The following RPS6KC1 variants were observed in gnomAD, a reference collection of about 807,000 sequenced individuals.
The protein encoded by RPS6KC1 is ribosomal protein S6 kinase C1.
RPS6KC1 carries 54 observed loss-of-function variants against 103.8 expected under a neutral mutation model. The ratio of observed to expected loss-of-function variants is 0.52; its 90% CI spans 0.42 to 0.65. RPS6KC1 has a LOEUF of 0.65. RPS6KC1 is among the 30% of genes least tolerant of loss of function. RPS6KC1 has a pLI of 0.00. For missense variants in RPS6KC1, 1,151 were observed against 1,253.8 expected (o/e 0.92, Z 1.24); for synonymous variants, 439 against 438.7 (o/e 1.00, Z -0.01).
At chr1:213,759,825 G>T in the RPS6KC1 span, among the ~76,000 whole-genome samples, 7 of 152,178 alleles carry the variant, frequency 4.6e-5, no homozygotes, top group African/African-American at 1.7e-4. Flanking sequence ...AGTGATCAAG[G>T]CTCCATCTTC....
chr1:213,696,684 A>G, the RPS6KC1 span, among the ~76,000 whole-genome samples: 1 of 152,142 alleles, frequency 6.6e-6, no homozygotes, highest in Non-Finnish European at 1.5e-5. Flanking sequence ...TCTGATCATC[A>G]TCAATGGCTA....
intron 8 of RPS6KC1, among the ~76,000 whole-genome samples, chr1:213,221,785 T>G (rs928415146): frequency 6.6e-6 from 1 of 152,206 alleles, no homozygotes; most frequent in Non-Finnish European, 1.5e-5. Context: ...GATAACTACA[T>G]AAATTGAAAT....
chr1:213,171,505 A>C (rs1384733148), intron 7 of RPS6KC1, among the ~76,000 whole-genome samples: 2 of 152,224 alleles, frequency 1.3e-5, no homozygotes, highest in African/African-American at 2.4e-5. Flanking sequence ...AAAAGACAAT[A>C]AATGATCTAA....
At chr1:213,448,724 G>A in the RPS6KC1 span, among the ~76,000 whole-genome samples, 1 of 143,828 alleles carries the variant, frequency 7.0e-6, no homozygotes, top group Non-Finnish European at 1.5e-5. Flanking sequence ...CAGAGAATAA[G>A]ACTTTTCAAT....
At chr1:213,459,189 C>G in the RPS6KC1 span, among the ~76,000 whole-genome samples, 1 of 152,088 alleles carries the variant, frequency 6.6e-6, no homozygotes, top group Non-Finnish European at 1.5e-5. Context: ...GGTACCAGCT[C>G]CTGTTTGTAC....
chr1:213,505,457 C>G, the RPS6KC1 span, among the ~76,000 whole-genome samples: 1 of 152,192 alleles, frequency 6.6e-6, no homozygotes, highest in African/African-American at 2.4e-5. Context: ...TGACCTTGGG[C>G]AAGCTGCTTA....
chr1:213,468,904 T>A, the RPS6KC1 span, among the ~76,000 whole-genome samples: 1 of 152,176 alleles, frequency 6.6e-6, no homozygotes, highest in African/African-American at 2.4e-5. Flanking sequence ...GGCCTTCATA[T>A]GCTTGACTCC....
At chr1:213,398,553 A>G in the RPS6KC1 span, among the ~76,000 whole-genome samples, 4 of 151,828 alleles carry the variant, frequency 2.6e-5, no homozygotes, top group African/African-American at 9.7e-5. Flanking sequence ...CTAGGTTGTG[A>G]CCCCAGATGC....
chr1:213,260,018 C>T (rs541594810), intron 12 of RPS6KC1, among the ~76,000 whole-genome samples: 4 of 152,242 alleles, frequency 2.6e-5, no homozygotes, highest in South Asian at 2.1e-4. Flanking sequence ...GGATTATAGG[C>T]GTGAGCCACC....
the RPS6KC1 span, among the ~76,000 whole-genome samples, chr1:213,656,394 T>C: frequency 3.3e-5 from 5 of 152,226 alleles, 1 homozygote; most frequent in South Asian, 1.0e-3. Context: ...TAAAACAGGA[T>C]GAAAAGAACA....
At chr1:213,407,215 C>T in the RPS6KC1 span, among the ~76,000 whole-genome samples, 12,347 of 38,806 alleles carry the variant, frequency 0.32, 636 homozygotes, top group Middle Eastern at 0.49. Flanking sequence ...TACATGCACG[C>T]GCGCACACAC....
chr1:213,724,249 G>A, the RPS6KC1 span, among the ~76,000 whole-genome samples: 4 of 152,114 alleles, frequency 2.6e-5, no homozygotes, highest in South Asian at 2.1e-4. Context: ...CACTGCACCC[G>A]GCAAATTTTC....
At chr1:213,835,433 G>A in the RPS6KC1 span, among the ~76,000 whole-genome samples, 1 of 152,200 alleles carries the variant, frequency 6.6e-6, no homozygotes, top group East Asian at 1.9e-4. Flanking sequence ...CTCCCCTAAT[G>A]GCTACGCTGG....
At chr1:213,161,746 G>T (rs191871271) in intron 6 of RPS6KC1, among the ~76,000 whole-genome samples, 8 of 152,250 alleles carry the variant, frequency 5.3e-5, no homozygotes, top group Admixed American at 2.6e-4. Context: ...AATTTTTATG[G>T]TAGAGATGCA....
the RPS6KC1 span, among the ~76,000 whole-genome samples, chr1:213,316,298 C>T: frequency 6.6e-6 from 1 of 152,188 alleles, no homozygotes; most frequent in Non-Finnish European, 1.5e-5. Flanking sequence ...GTTGATGAAA[C>T]CTCTTTTCTT....
In RPS6KC1 at chr1:213,204,683, G is replaced by C. The variant is rs551413335; in HGVS notation, c.1045-25814G>C. The stretch of plus-strand genomic sequence containing the variant: ...CTGTCACCCAGGCTGGAGTGTAGTG[G>C]TATGATTACGGCTTACTGCAGTCCC... On this transcript the variant is annotated intron_variant, in intron 8 of 14. Coordinates refer to ENST00000366960, the MANE Select transcript of RPS6KC1 (RefSeq NM_012424.6). 8.7e-5 allele frequency among the ~76,000 whole-genome samples: 13 copies of C among 150,256 alleles called. No individual in the cohort carries two copies. The South Asian group carries it at 2.7e-3, about 32-fold the overall frequency.
chr1:213,090,299 T>G (rs1010907242), intron 3 of RPS6KC1, among the ~76,000 whole-genome samples: 2 of 152,234 alleles, frequency 1.3e-5, no homozygotes, highest in Admixed American at 1.3e-4. Flanking sequence ...CCTTTAATTA[T>G]AATTTTCTCT....
At chr1:213,433,952 AGAAAGTCCAATTTAT>A in the RPS6KC1 span, among the ~76,000 whole-genome samples, 1 of 152,162 alleles carries the variant, frequency 6.6e-6, no homozygotes, top group African/African-American at 2.4e-5. Flanking sequence ...TTTAATTTTG[AGAAAGTCCAATTTAT>A]AAATTTGTTC....
chr1:213,052,398 T>A (rs1445421593), intron 1 of RPS6KC1, among the ~76,000 whole-genome samples: 3 of 152,180 alleles, frequency 2.0e-5, no homozygotes, highest in Non-Finnish European at 4.4e-5. Context: ...AGCAGATCTG[T>A]CTGGGATCTG....
Sources: allele counts gnomAD v4.1 joint callset (sites outside exome capture counted in the v4.1 genomes callset), GRCh38; gene constraint gnomAD v4.1.1; transcripts MANE v1.5; gene names NCBI Gene and HGNC (gene_info 2026-07-23, HGNC 2026-07-21).